BRINP1: variants seen among roughly 807,000 people sequenced by gnomAD.
BRINP1 encodes the protein BMP/retinoic acid inducible neural specific 1, also known as BMP/retinoic acid-inducible neural-specific protein 1.
BRINP1 carries 17 observed loss-of-function variants against 72.9 expected under a neutral mutation model. That is an observed-to-expected ratio of 0.23 (90% CI 0.16 to 0.35). The LOEUF (loss-of-function observed/expected upper bound fraction) is 0.35, where lower values mean the gene tolerates loss of function less well. Among genes scored for constraint, BRINP1 ranks in the 10% least tolerant of loss-of-function variants. The pLI is 1.00. For synonymous variants in BRINP1, 418 were observed against 378.5 expected (o/e 1.10, Z -1.21); for missense variants, 850 against 1,001.6 (o/e 0.85, Z 2.04).
intron 2 of BRINP1, among the ~76,000 whole-genome samples, chr9:119,299,946 T>C (rs79602037): frequency 0.041 from 6,184 of 152,274 alleles, 407 homozygotes; most frequent in African/African-American, 0.14. Flanking sequence ...GATCCTTCTG[T>C]ATTTCCTTAA....
chr9:119,168,266 G>C (rs753497252), intron 7 of BRINP1, 42 bp from the exon 8 acceptor site: 51 of 1,435,268 alleles, frequency 3.6e-5, no homozygotes, highest in Non-Finnish European at 4.2e-5. Context: ...GCTACCATGA[G>C]TGGGTCTGTG....
At chr9:119,172,719 G>C (rs571999438) in intron 7 of BRINP1, among the ~76,000 whole-genome samples, 7 of 152,028 alleles carry the variant, frequency 4.6e-5, no homozygotes, top group Admixed American at 6.6e-5. Flanking sequence ...GAACATTGAT[G>C]CAAAAATCCT....
At chr9:119,364,888 C>T (rs1181670093) in intron 1 of BRINP1, among the ~76,000 whole-genome samples, 1 of 152,170 alleles carries the variant, frequency 6.6e-6, no homozygotes, top group African/African-American at 2.4e-5. Flanking sequence ...GCAAAAATGC[C>T]GTAACGGCAT....
chr9:119,341,267 G>C (rs1361622301), intron 1 of BRINP1, among the ~76,000 whole-genome samples: 1 of 152,220 alleles, frequency 6.6e-6, no homozygotes, highest in Non-Finnish European at 1.5e-5. Flanking sequence ...GCTTTAAATG[G>C]AGACTCGATT....
In BRINP1 at chr9:119,288,823, C is replaced by T. The variant is rs147402645; in HGVS notation, c.218+24315G>A. Among the ~76,000 whole-genome samples the T allele has an allele frequency of 7.7e-3, 1,172 of 151,932 alleles. 12 individuals carry two copies. The highest frequency in any genetic ancestry group is 0.027 in the African/African-American group (1,135 of 41,414). ...GTTTTTTTTTTTAGATGGAGTTTCA[C>T]TCTTGTTGCCCAGGCTGGAGTGTGA... is the stretch of plus-strand genomic sequence containing the variant. On this transcript the variant is annotated intron_variant, in intron 2 of 7. Coordinates refer to ENST00000265922, the MANE Select transcript of BRINP1 (RefSeq NM_014618.3).
At chr9:119,200,690 A>T (rs1002818966) in intron 7 of BRINP1, among the ~76,000 whole-genome samples, 6 of 151,898 alleles carry the variant, frequency 4.0e-5, no homozygotes, top group African/African-American at 1.5e-4. Context: ...ACTGGATGGT[A>T]AACTGGAACT....
At chr9:119,361,307 G>T (rs548414387) in intron 1 of BRINP1, among the ~76,000 whole-genome samples, 54 of 151,320 alleles carry the variant, frequency 3.6e-4, no homozygotes, top group Non-Finnish European at 2.8e-4. Context: ...TGTCTTTTTT[G>T]CCCCCTCAGT....
At position 119,167,321 on chromosome 9, in the gene BRINP1, G is replaced by A. The variant is rs370803156; in HGVS notation, c.2049C>T (p.Gly683=). 12 of 1,614,022 alleles carry A rather than the reference G, an allele frequency of 7.4e-6. No homozygotes were observed. Among genetic ancestry groups the A allele is most frequent in the Non-Finnish European group, 1.0e-5 (12 of 1,180,044 alleles). Residue 683 remains glycine (G), a synonymous_variant, in exon 8 of 8, where the codon GGC becomes GGT. Coordinates refer to ENST00000265922, the MANE Select transcript of BRINP1 (RefSeq NM_014618.3). This position sits in a 1 kb window ranked among gnomAD's most constrained non-coding sequence, Gnocchi z 4.3. ...VQQVNQSYTQ[G]GQFYSSSSVM... ...CTGACGAAGAGGAATAGAACTGGCC[G>A]CCCTGTGTGTAGGACTGGTTGACCT... is the stretch of plus-strand genomic sequence containing the variant.
chr9:119,342,738 A>G (rs1471196756), intron 1 of BRINP1, among the ~76,000 whole-genome samples: 1 of 152,224 alleles, frequency 6.6e-6, no homozygotes, highest in Admixed American at 6.5e-5. Context: ...ATGGCCAGAT[A>G]TTACTTTCAT....
intron 2 of BRINP1, among the ~76,000 whole-genome samples, chr9:119,310,646 G>C (rs1564244878): frequency 6.6e-6 from 1 of 152,168 alleles, no homozygotes; most frequent in Non-Finnish European, 1.5e-5. Context: ...GTGGAAGCTT[G>C]AGGTCTGGGC....
chr9:119,322,996 T>C (rs550850253), intron 1 of BRINP1, among the ~76,000 whole-genome samples: 1 of 152,286 alleles, frequency 6.6e-6, no homozygotes, highest in South Asian at 2.1e-4. Flanking sequence ...ATAGGACTTA[T>C]AAAAACAGGC....
chr9:119,243,084 A>T (rs980224322), intron 3 of BRINP1, among the ~76,000 whole-genome samples: 1 of 151,968 alleles, frequency 6.6e-6, no homozygotes, highest in African/African-American at 2.4e-5. Flanking sequence ...TCTGGGGTAC[A>T]TGTGCAGGAT....
chr9:119,364,815 C>G (rs1452649491), intron 1 of BRINP1, among the ~76,000 whole-genome samples: 1 of 152,196 alleles, frequency 6.6e-6, no homozygotes, highest in African/African-American at 2.4e-5. Context: ...ATATTCACTT[C>G]CAGGTAGGGT....
At chr9:119,355,708 G>A (rs1423067693) in intron 1 of BRINP1, among the ~76,000 whole-genome samples, 22 of 141,788 alleles carry the variant, frequency 1.6e-4, no homozygotes, top group African/African-American at 2.4e-4. Flanking sequence ...CAGCCTGGGC[G>A]ACAGAGCAAG....
At chr9:119,319,426 G>A (rs1352820828) in intron 1 of BRINP1, among the ~76,000 whole-genome samples, 1 of 152,128 alleles carries the variant, frequency 6.6e-6, no homozygotes, top group Non-Finnish European at 1.5e-5. Context: ...AGTTTCTATA[G>A]AGTCCTTGAC....
At chr9:119,214,949 G>A (rs963931705) in intron 5 of BRINP1, among the ~76,000 whole-genome samples, 1 of 152,196 alleles carries the variant, frequency 6.6e-6, no homozygotes, top group Non-Finnish European at 1.5e-5. Context: ...GAGAGGGACA[G>A]AGGCCAGTGT....
At chr9:119,347,779 C>T (rs532043597) in intron 1 of BRINP1, among the ~76,000 whole-genome samples, 7 of 152,222 alleles carry the variant, frequency 4.6e-5, no homozygotes, top group African/African-American at 1.7e-4. Context: ...ACCCCATTAC[C>T]ATTCCCAAAC....
At chr9:119,174,996 T>C (rs568536589) in intron 7 of BRINP1, among the ~76,000 whole-genome samples, 55 of 149,382 alleles carry the variant, frequency 3.7e-4, no homozygotes, top group East Asian at 1.4e-3. Flanking sequence ...AGGGATAGCA[T>C]TGGGAGATAT....
intron 7 of BRINP1, among the ~76,000 whole-genome samples, chr9:119,203,848 T>A (rs1307704269): frequency 6.6e-6 from 1 of 152,182 alleles, no homozygotes; most frequent in Admixed American, 6.5e-5. Context: ...CCAATTCTAC[T>A]CAATTGCTAT....
Sources: allele counts gnomAD v4.1 joint callset (sites outside exome capture counted in the v4.1 genomes callset), GRCh38; gene constraint gnomAD v4.1.1; non-coding constraint Gnocchi (gnomAD v3.1); transcripts MANE v1.5; gene names NCBI Gene and HGNC (gene_info 2026-07-23, HGNC 2026-07-21).